CCDC171: variants seen among roughly 807,000 people sequenced by gnomAD.
CCDC171 encodes the protein coiled-coil domain-containing protein 171.
CCDC171 carries 177 observed loss-of-function variants against 168.2 expected under a neutral mutation model. The ratio of observed to expected loss-of-function variants is 1.05; its 90% CI spans 0.93 to 1.19. CCDC171 has a LOEUF of 1.19. CCDC171 is among the 50% of genes most tolerant of loss of function. CCDC171 has a pLI of 0.00. For missense variants in CCDC171, 1,991 were observed against 1,539.0 expected (o/e 1.29, Z -4.91); for synonymous variants, 687 against 540.8 (o/e 1.27, Z -3.75).
intron 23 of CCDC171, among the ~76,000 whole-genome samples, chr9:15,866,950 C>T (rs563017249): frequency 8.6e-5 from 13 of 151,964 alleles, no homozygotes; most frequent in Non-Finnish European, 1.9e-4. Context: ...CATAAGCCAT[C>T]TCTAGATTCT....
chr9:15,660,499 T>C (rs10756688), intron 8 of CCDC171, among the ~76,000 whole-genome samples: 73,472 of 151,906 alleles, frequency 0.48, 18,226 homozygotes, highest in East Asian at 0.77. Flanking sequence ...TAGTCCCCAG[T>C]GTGTATTGCT....
Position 15,996,417 on chromosome 9 carries a change from C to CTTT in CCDC171, n.369-24150_369-24148dup, listed in dbSNP as rs34798326. On this transcript the variant is annotated intron_variant and non_coding_transcript_variant, in intron 3 of 9. Transcript: ENST00000486641. ...GGCAGCTGAATGGGGCTAGGAGGCT[C>CTTT]TTTTTTTTTTTTTTTTTTTTTTTTG... is the stretch of plus-strand genomic sequence containing the variant. 3.1e-3 allele frequency among the ~76,000 whole-genome samples: 199 copies of CTTT among 64,548 alleles called. 1 individual carries two copies. Among genetic ancestry groups the CTTT allele is most frequent in the Middle Eastern group, 9.8e-3 (1 of 102 alleles). The allele number at this position is 64,548 out of a possible 152,430, so 42.3% of individuals were successfully genotyped here. A position where few individuals can be genotyped will look rare whatever the true frequency, so the allele number is the denominator to read the frequency against.
rs186871992 is a variant in CCDC171 at position 15,734,761 on chromosome 9, A to G, written c.2049+4963A>G. Among the ~76,000 whole-genome samples, 5 of 152,238 alleles carry G rather than the reference A, an allele frequency of 3.3e-5. No individual in the cohort carries two copies. In the South Asian group the frequency reaches 6.2e-4, roughly 19 times the overall value. ...TATATCTTTTACCACCAAAAGTGCA[A>G]TGCAAATAAAAAATTTTCATTTTAC... On this transcript the variant is annotated intron_variant, in intron 16 of 25. Coordinates refer to ENST00000380701, the MANE Select transcript of CCDC171 (RefSeq NM_173550.4).
intron 21 of CCDC171, among the ~76,000 whole-genome samples, chr9:15,823,244 C>T (rs2059868583): frequency 6.6e-6 from 1 of 151,920 alleles, no homozygotes; most frequent in African/African-American, 2.4e-5. Context: ...ATAAAGGGTG[C>T]AGCACACCAA....
intron 16 of CCDC171, among the ~76,000 whole-genome samples, chr9:15,730,673 A>G (rs1460520915): frequency 6.6e-6 from 1 of 151,802 alleles, no homozygotes; most frequent in African/African-American, 2.4e-5. Flanking sequence ...AATTATTATT[A>G]TTATATTAAA....
intron 18 of CCDC171, among the ~76,000 whole-genome samples, chr9:15,754,441 G>T (rs7866413): frequency 0.95 from 144,004 of 152,218 alleles, 68,160 homozygotes; most frequent in East Asian, 1. Flanking sequence ...ATACCTGGCA[G>T]TTGGTGGGTG....
intron 3 of CCDC171, among the ~76,000 whole-genome samples, chr9:15,574,943 C>G (rs1214637626): frequency 1.3e-5 from 2 of 152,062 alleles, no homozygotes; most frequent in South Asian, 2.1e-4. Context: ...CTCATACGTT[C>G]CAGATGAGAC....
At chr9:15,575,882 G>A (rs1335300658) in intron 3 of CCDC171, among the ~76,000 whole-genome samples, 2 of 152,038 alleles carry the variant, frequency 1.3e-5, no homozygotes, top group Admixed American at 6.6e-5. Context: ...ACTTGAGGTC[G>A]GGAGTTTGAG....
chr9:15,591,071 G>A (rs964458899), intron 4 of CCDC171, among the ~76,000 whole-genome samples: 3 of 151,872 alleles, frequency 2.0e-5, no homozygotes, highest in Admixed American at 6.6e-5. Flanking sequence ...TGCTAGAAGT[G>A]CACCTAAACT....
the CCDC171 span, among the ~76,000 whole-genome samples, chr9:16,078,570 A>G: frequency 6.6e-6 from 1 of 152,210 alleles, no homozygotes. Context: ...GATTTGACAG[A>G]TACCAGGGGT....
chr9:15,641,917 A>C (rs2046639359), intron 7 of CCDC171, among the ~76,000 whole-genome samples: 1 of 152,170 alleles, frequency 6.6e-6, no homozygotes, highest in Non-Finnish European at 1.5e-5. Flanking sequence ...TAATCCCAGC[A>C]CTTTGGGAGG....
intron 9 of CCDC171, among the ~76,000 whole-genome samples, chr9:15,678,164 G>T (rs184845753): frequency 6.6e-6 from 1 of 151,626 alleles, no homozygotes; most frequent in East Asian, 2.0e-4. Flanking sequence ...TCCTGCTATG[G>T]ACTGCCAAAG....
At chr9:15,629,399 A>C (rs1032450544) in intron 7 of CCDC171, among the ~76,000 whole-genome samples, 3 of 152,220 alleles carry the variant, frequency 2.0e-5, no homozygotes, top group Non-Finnish European at 4.4e-5. Flanking sequence ...TCAGGAGCCG[A>C]TGCTATCAAC....
At chr9:16,065,436 G>A (rs184864625), downstream of CCDC171, among the ~76,000 whole-genome samples, 1 of 152,284 alleles carries the variant, frequency 6.6e-6, no homozygotes, top group African/African-American at 2.4e-5. Context: ...TTCCTGATGA[G>A]CTGGTTCCTT....
the CCDC171 span, among the ~76,000 whole-genome samples, chr9:16,092,009 C>T: frequency 6.6e-6 from 1 of 152,212 alleles, no homozygotes; most frequent in African/African-American, 2.4e-5. Context: ...AGTTCTTGGT[C>T]TGTCCTAAGC....
chr9:15,654,823 A>C (rs1305093822), intron 7 of CCDC171, among the ~76,000 whole-genome samples: 1 of 152,194 alleles, frequency 6.6e-6, no homozygotes, highest in African/African-American at 2.4e-5. Flanking sequence ...GGTGCAGTGC[A>C]CTGAGCGTGA....
intron 21 of CCDC171, among the ~76,000 whole-genome samples, chr9:15,829,918 CA>C (rs1239275124): frequency 6.6e-6 from 1 of 151,824 alleles, no homozygotes; most frequent in Non-Finnish European, 1.5e-5. Context: ...AGACCCTGCT[CA>C]AAAAAATGTG....
chr9:15,896,458 C>A (rs1820913791), intron 24 of CCDC171, among the ~76,000 whole-genome samples: 1 of 151,992 alleles, frequency 6.6e-6, no homozygotes, highest in Non-Finnish European at 1.5e-5. Context: ...TGGGATAAGT[C>A]AAGTCCAGGG....
the CCDC171 span, among the ~76,000 whole-genome samples, chr9:16,085,729 C>G: frequency 3.9e-5 from 6 of 152,148 alleles, no homozygotes; most frequent in South Asian, 2.1e-4. Flanking sequence ...AACATTATTC[C>G]TTTTTAAAAC....
Sources: allele counts gnomAD v4.1 joint callset (sites outside exome capture counted in the v4.1 genomes callset), GRCh38; gene constraint gnomAD v4.1.1; transcripts MANE v1.5; gene names NCBI Gene and HGNC (gene_info 2026-07-23, HGNC 2026-07-21).